ZCCHC17: variants seen among roughly 807,000 people sequenced by gnomAD.
ZCCHC17 encodes the protein zinc finger CCHC-type containing 17, also known as zinc finger CCHC domain-containing protein 17.
Under a neutral mutation model 30.6 loss-of-function variants are expected in ZCCHC17, and 18 were observed. The observed-to-expected ratio is 0.59, with a 90% CI of 0.41 to 0.87. The LOEUF is 0.87. ZCCHC17 is among the 40% of genes least tolerant of loss of function. The probability of loss-of-function intolerance (pLI) is 0.00; values close to 1 mark genes in which losing one functional copy is unlikely to be tolerated. For synonymous variants in ZCCHC17, 88 were observed against 92.4 expected (o/e 0.95, Z 0.27); for missense variants, 263 against 284.2 (o/e 0.93, Z 0.54).
chr1:31,297,202 T>TC (rs1646183749), intron 1 of ZCCHC17, 127 bp downstream of exon 1: 2 of 400,706 alleles, frequency 5.0e-6, no homozygotes, highest in Non-Finnish European at 8.8e-6. Context: ...GGGCCCCGAG[T>TC]CCCCAGCTGT....
intron 1 of ZCCHC17, among the ~76,000 whole-genome samples, chr1:31,297,770 A>G (rs1208175374): frequency 6.6e-6 from 1 of 152,200 alleles, no homozygotes; most frequent in African/African-American, 2.4e-5. Flanking sequence ...TGGTAGCTGC[A>G]GGAAGTGTTG....
chr1:31,323,303 A>G (rs1179436996), intron 3 of ZCCHC17, among the ~76,000 whole-genome samples: 1 of 152,046 alleles, frequency 6.6e-6, no homozygotes, highest in Non-Finnish European at 1.5e-5. Flanking sequence ...TAAAGTGTAC[A>G]TAAAACCTCT....
At chr1:31,343,624 G>A (rs1459825883) in intron 5 of ZCCHC17, among the ~76,000 whole-genome samples, 1 of 151,884 alleles carries the variant, frequency 6.6e-6, no homozygotes, top group Non-Finnish European at 1.5e-5. Flanking sequence ...ATTAGGCATA[G>A]CCTGCAAAGT....
At position 31,346,637 on chromosome 1, in the gene ZCCHC17, T is replaced by A. The variant is rs767559216; in HGVS notation, c.318-3T>A. 1 of 1,602,064 alleles carries A rather than the reference T, an allele frequency of 6.2e-7. No homozygotes were observed. The highest frequency in any genetic ancestry group is 1.7e-5 in the Admixed American group (1 of 59,426). On this transcript the variant is annotated splice_polypyrimidine_tract_variant and splice_region_variant and intron_variant, in intron 5 of 7. Coordinates refer to ENST00000344147, the MANE Select transcript of ZCCHC17 (RefSeq NM_016505.4). Reference sequence around the variant, plus strand: ...CCGGCAGTCGGTATCTTTTTCATTATAGGCAAGAAGAGAGGCGGAGGCGAT... The same window carrying A: ...CCGGCAGTCGGTATCTTTTTCATTAAAGGCAAGAAGAGAGGCGGAGGCGAT...
intron 3 of ZCCHC17, among the ~76,000 whole-genome samples, chr1:31,335,416 C>T (rs561016590): frequency 8.5e-5 from 13 of 152,212 alleles, no homozygotes; most frequent in Non-Finnish European, 1.8e-4. Context: ...CGCTCTGTCA[C>T]CTAGGCTGGA....
intron 1 of ZCCHC17, among the ~76,000 whole-genome samples, chr1:31,307,714 A>G (rs1446516864): frequency 6.6e-6 from 1 of 151,964 alleles, no homozygotes; most frequent in African/African-American, 2.4e-5. Flanking sequence ...AGTTGGGACC[A>G]CAGGTGTGCA....
At chr1:31,313,068 C>CTTTTTTTTTT (rs59004055) in intron 2 of ZCCHC17, among the ~76,000 whole-genome samples, 4 of 113,484 alleles carry the variant, frequency 3.5e-5, no homozygotes, top group African/African-American at 3.4e-5. Context: ...CACTGGGCCT[C>CTTTTTTTTTT]TTTTTTTTTT....
At chr1:31,337,727 A>G (rs1353121720) in intron 4 of ZCCHC17, among the ~76,000 whole-genome samples, 1 of 152,208 alleles carries the variant, frequency 6.6e-6, no homozygotes, top group African/African-American at 2.4e-5. Flanking sequence ...AGTGAAAAAA[A>G]TCTGAAGGAC....
At chr1:31,323,822 A>T (rs1245601617) in intron 3 of ZCCHC17, among the ~76,000 whole-genome samples, 2 of 152,204 alleles carry the variant, frequency 1.3e-5, no homozygotes, top group Non-Finnish European at 2.9e-5. Flanking sequence ...CTCTATCAGG[A>T]GCATAATTTC....
chr1:31,333,449 G>C (rs1427480567), intron 3 of ZCCHC17, among the ~76,000 whole-genome samples: 2 of 152,168 alleles, frequency 1.3e-5, no homozygotes, highest in Non-Finnish European at 2.9e-5. Context: ...CTTGAACCCA[G>C]GAGGTGGAGG....
chr1:31,361,499 C>T (rs1639891853), intron 7 of ZCCHC17, among the ~76,000 whole-genome samples: 1 of 152,208 alleles, frequency 6.6e-6, no homozygotes, highest in African/African-American at 2.4e-5. Context: ...ATCCCTTGTT[C>T]TAAGTCACAT....
intron 3 of ZCCHC17, among the ~76,000 whole-genome samples, chr1:31,328,780 C>T (rs1224927626): frequency 1.3e-5 from 2 of 152,102 alleles, no homozygotes. Context: ...AACTACAAAT[C>T]TCATGTATGG....
chr1:31,320,682 C>T (rs1349640311), intron 3 of ZCCHC17, among the ~76,000 whole-genome samples: 1 of 152,056 alleles, frequency 6.6e-6, no homozygotes, highest in Non-Finnish European at 1.5e-5. Context: ...TATTGCAGTT[C>T]CATCAGTTGA....
intron 1 of ZCCHC17, among the ~76,000 whole-genome samples, chr1:31,304,601 T>A (rs1293047371): frequency 6.6e-6 from 1 of 151,510 alleles, no homozygotes; most frequent in Non-Finnish European, 1.5e-5. Context: ...TATATACTCT[T>A]ATTTTTTTTT....
chr1:31,343,579 C>T (rs1280328405), intron 5 of ZCCHC17, among the ~76,000 whole-genome samples: 1 of 152,034 alleles, frequency 6.6e-6, no homozygotes, highest in Admixed American at 6.5e-5. Flanking sequence ...TAATAAGTGA[C>T]TCTGTAAATG....
intron 7 of ZCCHC17, among the ~76,000 whole-genome samples, chr1:31,360,469 G>A (rs1006644794): frequency 2.0e-5 from 3 of 152,172 alleles, no homozygotes; most frequent in Non-Finnish European, 2.9e-5. Context: ...GCAACCAGGC[G>A]AACTACAACT....
intron 2 of ZCCHC17, among the ~76,000 whole-genome samples, chr1:31,311,658 G>A (rs895858241): frequency 3.9e-5 from 6 of 152,168 alleles, no homozygotes; most frequent in Admixed American, 6.5e-5. Flanking sequence ...CTCACATGAC[G>A]GAAGGGACAG....
chr1:31,344,559 GTTATTACTC>G (rs1639169627), intron 5 of ZCCHC17, among the ~76,000 whole-genome samples: 1 of 152,318 alleles, frequency 6.6e-6, no homozygotes, highest in Admixed American at 6.5e-5. Context: ...CAGTGAGGGA[GTTATTACTC>G]TAGATGAAAC....
chr1:31,345,582 A>AATATAATATATATATATATG, intron 5 of ZCCHC17, among the ~76,000 whole-genome samples: 1 of 79,074 alleles, frequency 1.3e-5, no homozygotes, highest in Non-Finnish European at 2.4e-5. Flanking sequence ...ATATATATAT[A>AATATAATATATATATATATG]TTAGTTCTCA....
Sources: gnomAD v4.1 joint callset for allele counts (sites outside exome capture counted in the v4.1 genomes callset) on GRCh38, gnomAD v4.1.1 for gene constraint, MANE v1.5 for transcripts, NCBI Gene and HGNC (gene_info 2026-07-23, HGNC 2026-07-21) for gene names.